Variants in MAGI2 observed in about 807,000 individuals in gnomAD.
The protein encoded by MAGI2 is membrane-associated guanylate kinase, WW and PDZ domain-containing protein 2.
A neutral mutation model predicts 133.3 loss-of-function variants in MAGI2; 35 were observed. The observed-to-expected ratio is 0.26, with a 90% CI of 0.20 to 0.35. The LOEUF (loss-of-function observed/expected upper bound fraction) is 0.35. Among genes scored for constraint, MAGI2 ranks in the 10% least tolerant of loss-of-function variants. MAGI2 has a pLI of 1.00. For synonymous variants in MAGI2, 729 were observed against 710.6 expected (o/e 1.03, Z -0.41); for missense variants, 1,636 against 1,863.4 (o/e 0.88, Z 2.25).
chr7:79,283,143 T>C (rs1835774172), intron 1 of MAGI2, among the ~76,000 whole-genome samples: 2 of 152,198 alleles, frequency 1.3e-5, no homozygotes, highest in South Asian at 4.2e-4. Flanking sequence ...AAGAAATCTG[T>C]AGGATTATGT....
chr7:78,031,271 T>G (rs938703424), intron 21 of MAGI2, among the ~76,000 whole-genome samples: 3 of 152,224 alleles, frequency 2.0e-5, no homozygotes, highest in Admixed American at 2.0e-4. Context: ...CTGTTCTATA[T>G]CTTAATTATG....
chr7:78,329,880 G>A (rs1788992337), intron 9 of MAGI2, among the ~76,000 whole-genome samples: 1 of 152,138 alleles, frequency 6.6e-6, no homozygotes, highest in Non-Finnish European at 1.5e-5. Flanking sequence ...CTGCCAGTCT[G>A]CCAACAGAAC....
intron 2 of MAGI2, among the ~76,000 whole-genome samples, chr7:78,893,543 T>C (rs964479643): frequency 6.6e-6 from 1 of 152,118 alleles, no homozygotes; most frequent in African/African-American, 2.4e-5. Context: ...TGGAATACTA[T>C]GCAGCCATAA....
At chr7:79,235,493 G>T (rs1167065271) in intron 1 of MAGI2, among the ~76,000 whole-genome samples, 1 of 152,210 alleles carries the variant, frequency 6.6e-6, no homozygotes, top group African/African-American at 2.4e-5. Context: ...ATATAATCTC[G>T]TGGTGTGCCG....
intron 2 of MAGI2, among the ~76,000 whole-genome samples, chr7:78,654,626 C>T (rs2151021987): frequency 6.7e-6 from 1 of 149,690 alleles, no homozygotes; most frequent in African/African-American, 2.4e-5. Context: ...CCCATAGCCC[C>T]ATTTCGAGTT....
At chr7:78,497,123 AT>A in intron 5 of MAGI2, among the ~76,000 whole-genome samples, 1 of 152,278 alleles carries the variant, frequency 6.6e-6, no homozygotes, top group Middle Eastern at 3.4e-3. Context: ...TCTCATTTGA[AT>A]TTACAATTAA....
At chr7:79,283,610 A>G (rs1437923600) in intron 1 of MAGI2, among the ~76,000 whole-genome samples, 3 of 152,068 alleles carry the variant, frequency 2.0e-5, no homozygotes, top group Admixed American at 1.3e-4. Context: ...ATGTGATGCA[A>G]TTATGGCCAA....
At chr7:78,554,040 G>T (rs1237534597) in intron 3 of MAGI2, among the ~76,000 whole-genome samples, 3 of 152,090 alleles carry the variant, frequency 2.0e-5, no homozygotes, top group African/African-American at 7.2e-5. Flanking sequence ...CTAAAAATGT[G>T]TTCCCCTTTA....
intron 2 of MAGI2, among the ~76,000 whole-genome samples, chr7:78,963,545 T>G (rs17151751): frequency 0.03 from 4,612 of 152,122 alleles, 261 homozygotes; most frequent in East Asian, 0.17. Flanking sequence ...GTGTTCCAAG[T>G]TCTAACAACA....
intron 9 of MAGI2, among the ~76,000 whole-genome samples, chr7:78,298,663 T>A (rs1188017083): frequency 6.6e-6 from 1 of 151,816 alleles, no homozygotes; most frequent in Non-Finnish European, 1.5e-5. Flanking sequence ...CCACCACCCT[T>A]GGCTAATTTT....
At chr7:79,144,533 A>AAGTC (rs1822434082) in intron 1 of MAGI2, among the ~76,000 whole-genome samples, 1 of 152,130 alleles carries the variant, frequency 6.6e-6, no homozygotes, top group African/African-American at 2.4e-5. Context: ...GCTATCTGTA[A>AAGTC]AGTCGGCAGA....
At chr7:78,309,458 G>A (rs965043434) in intron 9 of MAGI2, among the ~76,000 whole-genome samples, 5 of 152,180 alleles carry the variant, frequency 3.3e-5, no homozygotes, top group African/African-American at 9.7e-5. Context: ...AATACCGTAT[G>A]TTCTCACTTA....
At chr7:78,240,047 A>T (rs73150240) in intron 10 of MAGI2, among the ~76,000 whole-genome samples, 25,819 of 151,768 alleles carry the variant, frequency 0.17, 2,642 homozygotes, top group East Asian at 0.32. Context: ...GGTTTGTTAC[A>T]TAGGTGTACA....
At chr7:79,069,540 A>ACT (rs1814737604) in intron 1 of MAGI2, among the ~76,000 whole-genome samples, 1 of 3,432 alleles carries the variant, frequency 2.9e-4, no homozygotes, top group Non-Finnish European at 5.6e-4. Context: ...ATGGGTCTTG[A>ACT]CTCTATCCAA....
At chr7:79,120,028 A>G (rs925841809) in intron 1 of MAGI2, among the ~76,000 whole-genome samples, 1 of 152,100 alleles carries the variant, frequency 6.6e-6, no homozygotes, top group Non-Finnish European at 1.5e-5. Context: ...TTGTTACTAA[A>G]TATAGTGACT....
chr7:78,914,513 T>C (rs1798639557), intron 2 of MAGI2, among the ~76,000 whole-genome samples: 1 of 152,180 alleles, frequency 6.6e-6, no homozygotes, highest in Admixed American at 6.6e-5. Flanking sequence ...CTGTCTTTTG[T>C]GCCCTGGAGT....
chr7:78,501,201 A>G (rs62467117), intron 5 of MAGI2, among the ~76,000 whole-genome samples: 2,910 of 152,302 alleles, frequency 0.019, 46 homozygotes, highest in Non-Finnish European at 0.033. Flanking sequence ...TATTCCTCCA[A>G]CTAGCTTAGA....
intron 2 of MAGI2, among the ~76,000 whole-genome samples, chr7:78,670,221 A>G (rs1471007260): frequency 6.6e-6 from 1 of 152,156 alleles, no homozygotes; most frequent in East Asian, 1.9e-4. Context: ...AACTTCAGCA[A>G]ATTCTCAGGA....
chr7:78,469,757 A>G (rs1791002685), intron 6 of MAGI2, among the ~76,000 whole-genome samples: 1 of 152,124 alleles, frequency 6.6e-6, no homozygotes, highest in African/African-American at 2.4e-5. Context: ...TGATATTCCA[A>G]TTTAGAATCC....
Sources: allele counts gnomAD v4.1 joint callset (sites outside exome capture counted in the v4.1 genomes callset), GRCh38; gene constraint gnomAD v4.1.1; transcripts MANE v1.5; gene names NCBI Gene and HGNC (gene_info 2026-07-23, HGNC 2026-07-21).